ROBO2: variants seen among roughly 807,000 people sequenced by gnomAD.
ROBO2 encodes roundabout homolog 2.
Under a neutral mutation model 160.8 loss-of-function variants are expected in ROBO2, and 53 were observed. That is an observed-to-expected ratio of 0.33 (90% CI 0.26 to 0.41). The LOEUF (loss-of-function observed/expected upper bound fraction) is 0.41, where lower values mean the gene tolerates loss of function less well. Ranked by LOEUF, ROBO2 falls within the 10% of genes least tolerant of loss-of-function variation. The probability of loss-of-function intolerance (pLI) is 1.00; values close to 1 mark genes in which losing one functional copy is unlikely to be tolerated. For missense variants in ROBO2, 1,577 were observed against 1,722.4 expected (o/e 0.92, Z 1.49); for synonymous variants, 664 against 611.7 (o/e 1.09, Z -1.26).
Position 77,490,355 on chromosome 3 carries a change from G to A in ROBO2, c.668-2889G>A, listed in dbSNP as rs1047079813. The stretch of plus-strand genomic sequence containing the variant: ...TCTGCCCACCTCGGCCTCCGAAAGT[G>A]CTGGGATTACAGGCGTGAGCCACCA... On this transcript the variant is annotated intron_variant, in intron 4 of 25. Coordinates refer to ENST00000461745, the Ensembl canonical transcript of ROBO2. Among the ~76,000 whole-genome samples, 4 of 152,070 alleles carry A rather than the reference G, an allele frequency of 2.6e-5. No homozygotes were observed. In the East Asian group the frequency reaches 7.8e-4, roughly 29 times the overall value.
intron 2 of ROBO2, among the ~76,000 whole-genome samples, chr3:76,511,807 T>C (rs1196373871): frequency 6.6e-6 from 1 of 152,192 alleles, no homozygotes; most frequent in Admixed American, 6.5e-5. Flanking sequence ...CTTCCTTTCA[T>C]ATGCAAAACA....
At chr3:77,088,848 CA>C (rs1304437936) in intron 1 of ROBO2, among the ~76,000 whole-genome samples, 1 of 152,046 alleles carries the variant, frequency 6.6e-6, no homozygotes, top group Non-Finnish European at 1.5e-5. Context: ...AAAGTATGAA[CA>C]GTAATCTAAA....
intron 2 of ROBO2, among the ~76,000 whole-genome samples, chr3:77,336,222 C>T (rs1301654690): frequency 6.6e-6 from 1 of 152,112 alleles, no homozygotes; most frequent in Non-Finnish European, 1.5e-5. Flanking sequence ...AAGAGCCAGG[C>T]TTTTGGGTGC....
At chr3:76,345,738 G>A (rs1173435975) in intron 2 of ROBO2, among the ~76,000 whole-genome samples, 1 of 151,880 alleles carries the variant, frequency 6.6e-6, no homozygotes, top group African/African-American at 2.4e-5. Flanking sequence ...AGAACATAAA[G>A]ATGAGGTTTT....
chr3:76,271,644 A>G (rs1041302537), intron 2 of ROBO2, among the ~76,000 whole-genome samples: 1 of 151,772 alleles, frequency 6.6e-6, no homozygotes, highest in Non-Finnish European at 1.5e-5. Flanking sequence ...CAGTAAGAAT[A>G]TGTATTCATG....
chr3:77,236,207 A>G (rs2087947502), intron 2 of ROBO2, among the ~76,000 whole-genome samples: 1 of 152,232 alleles, frequency 6.6e-6, no homozygotes, highest in African/African-American at 2.4e-5. Context: ...CTAATTGGCA[A>G]CTGGCTGAAA....
Position 76,941,102 on chromosome 3 carries a change from T to A in ROBO2, c.110-156912T>A, listed in dbSNP as rs532292582. 3.2e-4 allele frequency among the ~76,000 whole-genome samples: 48 copies of A among 152,216 alleles called. 1 individual carries two copies. In the South Asian group the frequency reaches 9.1e-3, roughly 29 times the overall value. ...AAGCTTAGGAGTTATCTTCAAAACATCCCTCACCACCATCACTAAATCCTG... is the reference window on the plus strand; with the variant it reads ...AAGCTTAGGAGTTATCTTCAAAACAACCCTCACCACCATCACTAAATCCTG... On this transcript the variant is annotated intron_variant, in intron 2 of 26. Coordinates refer to the ROBO2 transcript ENST00000487694.
intron 2 of ROBO2, among the ~76,000 whole-genome samples, chr3:77,387,000 A>G (rs2074189419): frequency 6.6e-6 from 1 of 152,014 alleles, no homozygotes; most frequent in Non-Finnish European, 1.5e-5. Flanking sequence ...AATGAGAGAA[A>G]AAGAATGCTC....
intron 2 of ROBO2, among the ~76,000 whole-genome samples, chr3:77,130,754 T>G (rs1303011659): frequency 6.6e-6 from 1 of 152,198 alleles, no homozygotes; most frequent in East Asian, 1.9e-4. Context: ...CCTCTTTCCA[T>G]GCACCTCTGT....
chr3:76,924,194 T>C (rs2076839565), intron 2 of ROBO2, among the ~76,000 whole-genome samples: 2 of 152,358 alleles, frequency 1.3e-5, no homozygotes, highest in East Asian at 3.9e-4. Flanking sequence ...ATTATATAAT[T>C]ATTTATGTAC....
chr3:76,463,023 A>G (rs2078171169), intron 2 of ROBO2, among the ~76,000 whole-genome samples: 1 of 152,132 alleles, frequency 6.6e-6, no homozygotes, highest in Admixed American at 6.6e-5. Flanking sequence ...CCATCACCGC[A>G]TTACATGGTT....
intron 5 of ROBO2, among the ~76,000 whole-genome samples, chr3:77,502,069 TA>T (rs2087694163): frequency 6.6e-6 from 1 of 152,216 alleles, no homozygotes. Flanking sequence ...ATGTAAACAT[TA>T]TTATACCTAT....
At chr3:77,032,967 C>G (rs773440077) in intron 2 of ROBO2, among the ~76,000 whole-genome samples, 1 of 152,140 alleles carries the variant, frequency 6.6e-6, no homozygotes, top group Non-Finnish European at 1.5e-5. Context: ...GGGTAACAAT[C>G]AGCATTTTCT....
chr3:77,458,259 G>T (rs747930346), intron 2 of ROBO2, among the ~76,000 whole-genome samples: 4 of 152,158 alleles, frequency 2.6e-5, no homozygotes, highest in Non-Finnish European at 5.9e-5. Flanking sequence ...AGCTGAAGAC[G>T]CAAGATTCTG....
intron 2 of ROBO2, among the ~76,000 whole-genome samples, chr3:77,432,894 T>A (rs2078920330): frequency 6.6e-6 from 1 of 152,150 alleles, no homozygotes; most frequent in Admixed American, 6.5e-5. Context: ...GTGGCAGGAA[T>A]TAATTCTCAA....
chr3:77,275,262 T>C (rs1485389454), intron 2 of ROBO2, among the ~76,000 whole-genome samples: 1 of 152,158 alleles, frequency 6.6e-6, no homozygotes, highest in Admixed American at 6.5e-5. Flanking sequence ...GGAGATACTA[T>C]GTGATAAGGC....
At chr3:75,992,200 G>A (rs2065593095) in intron 2 of ROBO2, among the ~76,000 whole-genome samples, 1 of 152,158 alleles carries the variant, frequency 6.6e-6, no homozygotes, top group Admixed American at 6.5e-5. Context: ...TGGGGAAAAT[G>A]TCTCTAGGGC....
intron 2 of ROBO2, among the ~76,000 whole-genome samples, chr3:76,881,249 A>G (rs1478626990): frequency 6.6e-6 from 1 of 152,188 alleles, no homozygotes. Flanking sequence ...TGAAGACACT[A>G]ATCTCTGACA....
At chr3:77,189,451 G>C (rs935662410) in intron 2 of ROBO2, among the ~76,000 whole-genome samples, 2 of 151,820 alleles carry the variant, frequency 1.3e-5, no homozygotes, top group African/African-American at 4.8e-5. Context: ...TGTGCCCTCT[G>C]TTATCAGGGG....
Sources: allele counts gnomAD v4.1 joint callset (sites outside exome capture counted in the v4.1 genomes callset), GRCh38; gene constraint gnomAD v4.1.1; transcripts MANE v1.5; gene names NCBI Gene and HGNC (gene_info 2026-07-23, HGNC 2026-07-21).